The following BRD3 variants were observed in gnomAD, a reference collection of about 807,000 sequenced individuals.
BRD3 encodes the protein bromodomain containing 3.
BRD3 carries 17 observed loss-of-function variants against 66.8 expected under a neutral mutation model. That is an observed-to-expected ratio of 0.25 (90% CI 0.17 to 0.38). BRD3 has a LOEUF of 0.38. Among genes scored for constraint, BRD3 ranks in the 10% least tolerant of loss-of-function variants. The pLI, the probability that BRD3 is intolerant of heterozygous loss-of-function variation, is 1.00. For missense variants in BRD3, 713 were observed against 956.1 expected, an observed-to-expected ratio of 0.75 and a Z score of 3.35; for synonymous variants, 421 against 393.2, an observed-to-expected ratio of 1.07 and a Z score of -0.84.
At chr9:134,063,408 C>G (rs1490551467) in intron 1 of BRD3, among the ~76,000 whole-genome samples, 1 of 152,158 alleles carries the variant, frequency 6.6e-6, no homozygotes, top group Non-Finnish European at 1.5e-5. Context: ...CGGGTGGCAC[C>G]CTGGACCCGC....
intron 1 of BRD3, among the ~76,000 whole-genome samples, chr9:134,059,739 C>T (rs1830499145): frequency 6.6e-6 from 1 of 152,196 alleles, no homozygotes; most frequent in South Asian, 2.1e-4. Context: ...ACCACTCAGC[C>T]CTCCAGTGGT....
chr9:134,054,752 TC>T (rs1018305003), intron 1 of BRD3, among the ~76,000 whole-genome samples: 2 of 151,818 alleles, frequency 1.3e-5, no homozygotes, highest in Non-Finnish European at 2.9e-5. Flanking sequence ...ATCTGGTTGG[TC>T]CCCTGAAATC....
At chr9:134,054,053 C>G (rs901072478) in intron 1 of BRD3, 3 of 153,920 alleles carry the variant, frequency 1.9e-5, no homozygotes, top group African/African-American at 7.2e-5. Flanking sequence ...CCCAACACAG[C>G]CAGGGGAAGT....
At chr9:134,041,992 A>G in intron 7 of BRD3, 41 bp from the exon 8 acceptor site, 1 of 1,513,088 alleles carries the variant, frequency 6.6e-7, no homozygotes, top group South Asian at 1.3e-5. Context: ...ATGGGTGCCC[A>G]TGGGGCTGCC....
At chr9:134,067,578 G>T (rs1387817553) in intron 1 of BRD3, among the ~76,000 whole-genome samples, 2 of 147,494 alleles carry the variant, frequency 1.4e-5, no homozygotes, top group Non-Finnish European at 3.0e-5. Context: ...CCGTGAGGGA[G>T]GGCGCGCGGA....
chr9:134,062,666 C>G (rs1830569706), intron 1 of BRD3, among the ~76,000 whole-genome samples: 1 of 152,224 alleles, frequency 6.6e-6, no homozygotes, highest in South Asian at 2.1e-4. Context: ...CGCTCTACCC[C>G]CGTGGGACCC....
chr9:134,066,245 G>A (rs1830649339), intron 1 of BRD3, among the ~76,000 whole-genome samples: 1 of 152,106 alleles, frequency 6.6e-6, no homozygotes, highest in African/African-American at 2.4e-5. Context: ...AGAAAGAAAT[G>A]CCCCTCGCTC....
chr9:134,062,490 C>A (rs1202734591), intron 1 of BRD3, among the ~76,000 whole-genome samples: 1 of 152,168 alleles, frequency 6.6e-6, no homozygotes, highest in African/African-American at 2.4e-5. Flanking sequence ...GAACCCAGGG[C>A]CTGTGCTTCT....
intron 2 of BRD3, 57 bp from the exon 3 acceptor site, chr9:134,052,500 A>ATTCCCAAGTGGACACAGCCCGACC: frequency 6.4e-7 from 1 of 1,557,306 alleles, no homozygotes; most frequent in Non-Finnish European, 8.7e-7. Flanking sequence ...TATTTTCACA[A>ATTCCCAAGTGGACACAGCCCGACC]TTCCCAAGTG....
intron 1 of BRD3, 194 bp from the exon 2 acceptor site, chr9:134,053,784 A>G: frequency 2.5e-6 from 1 of 405,938 alleles, no homozygotes. Context: ...ACCAGCTCAG[A>G]ACGACTCTCC....
At chr9:134,061,031 C>T (rs568031116) in intron 1 of BRD3, among the ~76,000 whole-genome samples, 1 of 152,378 alleles carries the variant, frequency 6.6e-6, no homozygotes, top group South Asian at 2.1e-4. Flanking sequence ...GAATGGGAAT[C>T]TGTCCAGTTG....
At chr9:134,068,223 G>C (rs1269382011), upstream of BRD3, 2 of 145,824 alleles carry the variant, frequency 1.4e-5, no homozygotes, top group Non-Finnish European at 3.0e-5. Context: ...AGCGGGCCTG[G>C]CCCGGGGGGC....
intron 1 of BRD3, among the ~76,000 whole-genome samples, chr9:134,063,970 G>C (rs1232690311): frequency 2.6e-5 from 4 of 152,168 alleles, no homozygotes; most frequent in Admixed American, 1.3e-4. Flanking sequence ...CGGCAAGGAG[G>C]GGGGCGGGGG....
intron 1 of BRD3, among the ~76,000 whole-genome samples, chr9:134,055,274 G>A (rs551209088): frequency 6.6e-6 from 1 of 152,346 alleles, no homozygotes; most frequent in African/African-American, 2.4e-5. Context: ...TCACCGGTCT[G>A]CTCAAAACCT....
chr9:134,055,579 C>G (rs987169253), intron 1 of BRD3, among the ~76,000 whole-genome samples: 1 of 152,196 alleles, frequency 6.6e-6, no homozygotes, highest in Non-Finnish European at 1.5e-5. Flanking sequence ...AGAGAGCTCA[C>G]GCCAGTTATG....
chr9:134,052,554 C>T, intron 2 of BRD3, 111 bp from the exon 3 acceptor site: 1 of 1,236,108 alleles, frequency 8.1e-7, no homozygotes, highest in South Asian at 1.4e-5. Context: ...CTGGGGCTGG[C>T]CCAGAGGCAC....
At chr9:134,058,298 T>TC (rs1276882994) in intron 1 of BRD3, 2 of 152,170 alleles carry the variant, frequency 1.3e-5, no homozygotes, top group Non-Finnish European at 2.9e-5. Flanking sequence ...TGCCCCTAGA[T>TC]CCCAAGTCCC....
At chr9:134,039,069 TCCTC>T (rs1829986921) in intron 9 of BRD3, among the ~76,000 whole-genome samples, 1 of 151,610 alleles carries the variant, frequency 6.6e-6, no homozygotes, top group South Asian at 2.1e-4. Flanking sequence ...GCTCCTCCCC[TCCTC>T]CCTCCAAGCA....
chr9:134,044,976 G>GC (rs1830137250), intron 7 of BRD3, among the ~76,000 whole-genome samples: 1 of 152,196 alleles, frequency 6.6e-6, no homozygotes, highest in Non-Finnish European at 1.5e-5. Context: ...CAGGGAAGCC[G>GC]CAAGAGAAAG....
Sources: gnomAD v4.1 joint callset for allele counts (sites outside exome capture counted in the v4.1 genomes callset) on GRCh38, gnomAD v4.1.1 for gene constraint, MANE v1.5 for transcripts, NCBI Gene and HGNC (gene_info 2026-07-23, HGNC 2026-07-21) for gene names.